The following VAV2 variants were observed in gnomAD, a reference collection of about 807,000 sequenced individuals.
VAV2 encodes vav guanine nucleotide exchange factor 2, also known as guanine nucleotide exchange factor VAV2.
A neutral mutation model predicts 132.5 loss-of-function variants in VAV2; 67 were observed. The observed-to-expected ratio is 0.51, with a 90% CI of 0.42 to 0.62. The LOEUF is 0.62. Ranked by LOEUF, VAV2 falls within the 20% of genes least tolerant of loss-of-function variation. VAV2 has a pLI of 0.00. For synonymous variants in VAV2, 492 were observed against 443.5 expected, an observed-to-expected ratio of 1.11 and a Z score of -1.37; for missense variants, 938 against 1,153.6, an observed-to-expected ratio of 0.81 and a Z score of 2.71.
At chr9:133,835,551 C>G (rs920407600) in intron 3 of VAV2, among the ~76,000 whole-genome samples, 5 of 152,190 alleles carry the variant, frequency 3.3e-5, no homozygotes, top group African/African-American at 1.2e-4. Flanking sequence ...CAAACAGCCC[C>G]CTGTAGCCCC....
chr9:133,812,093 G>A, intron 5 of VAV2, 21 bp downstream of exon 5: 1 of 1,610,874 alleles, frequency 6.2e-7, no homozygotes. Flanking sequence ...GGAAGGGAGG[G>A]AGGAGCGGGG....
At chr9:133,946,875 G>A (rs1280612195) in intron 1 of VAV2, among the ~76,000 whole-genome samples, 1 of 152,186 alleles carries the variant, frequency 6.6e-6, no homozygotes, top group Non-Finnish European at 1.5e-5. Flanking sequence ...TGGGTGACAG[G>A]CTGGCCAGGT....
rs1052067345 is a variant in VAV2 at position 133,769,647 on chromosome 9, G to A, written c.2348-144C>T. 7.1e-6 allele frequency: 6 copies of A among 848,244 alleles called. No homozygotes were observed. The highest frequency in any genetic ancestry group is 1.1e-5 in the Non-Finnish European group (6 of 548,802). 52.5% of individuals were successfully genotyped at this position (848,244 alleles called of 1,614,324 possible). Reference sequence around the variant, plus strand: ...CTACAGGGGGGCAAAGGAGGCAGGGGGCAGCACGGGTTGTCAAGCCCCACC... The same window carrying A: ...CTACAGGGGGGCAAAGGAGGCAGGGAGCAGCACGGGTTGTCAAGCCCCACC... On this transcript the variant is annotated intron_variant, in intron 27 of 29. Coordinates refer to ENST00000371850, the MANE Select transcript of VAV2 (RefSeq NM_001134398.2). This position sits in a 1 kb window ranked among gnomAD's most constrained non-coding sequence, Gnocchi z 8.1.
rs1161661391 is a variant in VAV2 at position 133,935,317 on chromosome 9, C to A, written c.321+3786G>T. ...TGAAAGGGGCATTCGCTCTTCATCT[C>A]TGTGGCCAGAGGGACCGATGCATGG... is the stretch of plus-strand genomic sequence containing the variant. On this transcript the variant is annotated intron_variant, in intron 2 of 29. Coordinates refer to ENST00000371850, the MANE Select transcript of VAV2 (RefSeq NM_001134398.2). The surrounding 1 kb of genome is among the most constrained non-coding windows in gnomAD (Gnocchi z 5.2). Among the ~76,000 whole-genome samples, 1 of 152,222 alleles carries A rather than the reference C, an allele frequency of 6.6e-6. No individual in the cohort carries two copies. The highest frequency in any genetic ancestry group is 1.5e-5 in the Non-Finnish European group (1 of 68,042).
chr9:133,900,805 T>TTATTTATTTATTTATGTATG (rs1554804226), intron 2 of VAV2, among the ~76,000 whole-genome samples: 1 of 125,558 alleles, frequency 8.0e-6, no homozygotes, highest in African/African-American at 2.8e-5. Context: ...ATTTATTTAT[T>TTATTTATTTATTTATGTATG]TATGTATTTT....
chr9:133,934,253 A>C (rs141345984), intron 2 of VAV2, among the ~76,000 whole-genome samples: 10 of 152,294 alleles, frequency 6.6e-5, no homozygotes, highest in African/African-American at 2.4e-4. Context: ...AATGAATGAC[A>C]ACAAACCCAG....
intron 21 of VAV2, 53 bp from the exon 22 acceptor site, chr9:133,778,942 G>A: frequency 6.3e-6 from 10 of 1,593,578 alleles, no homozygotes; most frequent in Non-Finnish European, 8.6e-6. Flanking sequence ...CTCGGTGACT[G>A]ACTTGGCCCC....
intron 2 of VAV2, among the ~76,000 whole-genome samples, chr9:133,897,399 C>T (rs3780752): frequency 0.26 from 39,326 of 152,072 alleles, 5,354 homozygotes; most frequent in African/African-American, 0.32. Context: ...GCTCTGCCCC[C>T]CTGTAACCCA....
At chr9:133,939,493 T>G (rs540462483) in intron 1 of VAV2, among the ~76,000 whole-genome samples, 1 of 151,924 alleles carries the variant, frequency 6.6e-6, no homozygotes, top group African/African-American at 2.4e-5. Context: ...AGCCTTCTCA[T>G]CACATAGCTG....
At chr9:133,937,075 C>T (rs535700771) in intron 2 of VAV2, among the ~76,000 whole-genome samples, 2 of 152,356 alleles carry the variant, frequency 1.3e-5, no homozygotes, top group African/African-American at 4.8e-5. Context: ...AAATTATATA[C>T]TGAATACGCT....
At chr9:133,819,448 C>CAAA (rs532943477) in intron 4 of VAV2, among the ~76,000 whole-genome samples, 1 of 136,404 alleles carries the variant, frequency 7.3e-6, no homozygotes, top group Non-Finnish European at 1.6e-5. Context: ...GGCTCCGTCT[C>CAAA]AAAAAAAAAA....
intron 3 of VAV2, among the ~76,000 whole-genome samples, chr9:133,841,940 G>A (rs1836741209): frequency 6.7e-6 from 1 of 148,724 alleles, no homozygotes; most frequent in Non-Finnish European, 1.5e-5. Flanking sequence ...ACCAATTCCT[G>A]GATCACAATT....
At chr9:133,873,979 C>G (rs1838162999) in intron 2 of VAV2, among the ~76,000 whole-genome samples, 1 of 152,152 alleles carries the variant, frequency 6.6e-6, no homozygotes, top group African/African-American at 2.4e-5. Context: ...CCAGATCTTT[C>G]CCAGGTTTAT....
Position 133,783,378 on chromosome 9 carries a change from C to T in VAV2, c.1723+125G>A, listed in dbSNP as rs1325882503. 4 of 868,416 alleles carry T rather than the reference C, an allele frequency of 4.6e-6. No homozygotes were observed. In the Admixed American group the frequency reaches 5.7e-5, roughly 12 times the overall value. 53.8% of individuals were successfully genotyped at this position (868,416 alleles called of 1,614,324 possible). ...GTGTCTGCTCTGGGGCACGTGAGCA[C>T]TGGTGCCCTCATCTGGTCGCTGCCC... On this transcript the variant is annotated intron_variant, in intron 19 of 29. Transcript: ENST00000371850.
intron 12 of VAV2, among the ~76,000 whole-genome samples, chr9:133,793,094 G>A (rs1161339281): frequency 6.6e-6 from 1 of 152,022 alleles, no homozygotes; most frequent in Non-Finnish European, 1.5e-5. Flanking sequence ...TGAGGGGTCA[G>A]GAAGTCCCTC....
Position 133,768,557 on chromosome 9 carries a change from T to C in VAV2, c.2474A>G (p.Tyr825Cys), listed in dbSNP as rs978997426. 1.9e-6 allele frequency: 3 copies of C among 1,613,968 alleles called. No homozygotes were observed. The highest frequency in any genetic ancestry group is 1.3e-5 in the African/African-American group (1 of 75,000). Residue 825 changes from tyrosine to cysteine, a missense_variant, in exon 29 of 30, where the codon TAT becomes TGT. By Grantham distance (194) the Tyr-to-Cys change is radical (BLOSUM62 -2). Transcript: ENST00000371850. This position sits in a 1 kb window ranked among gnomAD's most constrained non-coding sequence, Gnocchi z 5.3. Reference protein sequence around the residue: ...PRVIGTAVARYNFAARDMREL... With the variant: ...PRVIGTAVARCNFAARDMREL... ...CCTCATATCTCGGGCGGCAAAGTTA[T>C]ACCTGGCCACAGCTGTGCCGATGAC...
chr9:133,893,866 G>A lies in VAV2; in HGVS notation c.322-32434C>T, dbSNP rs114721419. Among the ~76,000 whole-genome samples, 692 of 152,232 alleles carry A rather than the reference G, an allele frequency of 4.5e-3. 7 individuals carry two copies. The highest frequency in any genetic ancestry group is 0.016 in the African/African-American group (663 of 41,512). ...CACACAGCAGCGGCGAGAGTCGGGC[G>A]CCCACGTGTACCACACACACAGTTG... On this transcript the variant is annotated intron_variant, in intron 2 of 29. Coordinates refer to ENST00000371850, the MANE Select transcript of VAV2 (RefSeq NM_001134398.2).
In VAV2 at chr9:133,883,609, C is replaced by A. The variant is rs1462479631; in HGVS notation, c.322-22177G>T. 6.6e-6 allele frequency among the ~76,000 whole-genome samples: 1 copy of A among 152,254 alleles called. No homozygotes were observed. Reference sequence around the variant, plus strand: ...CAGCCACGGCAGGCAGGCGGCCCAGCAGCAGGCAGGTTTCAGCTCGGCCGG... The same window carrying A: ...CAGCCACGGCAGGCAGGCGGCCCAGAAGCAGGCAGGTTTCAGCTCGGCCGG... On this transcript the variant is annotated intron_variant, in intron 2 of 29. Coordinates refer to ENST00000371850, the MANE Select transcript of VAV2 (RefSeq NM_001134398.2). The surrounding 1 kb of genome is among the most constrained non-coding windows in gnomAD (Gnocchi z 4.2).
intron 2 of VAV2, among the ~76,000 whole-genome samples, chr9:133,897,232 C>T (rs756271086): frequency 1.3e-5 from 2 of 152,176 alleles, no homozygotes; most frequent in Non-Finnish European, 2.9e-5. Context: ...GAAAGCCGCT[C>T]CTTTGAGCAG....
Sources: gnomAD v4.1 joint callset for allele counts (sites outside exome capture counted in the v4.1 genomes callset) on GRCh38, gnomAD v4.1.1 for gene constraint, Gnocchi (gnomAD v3.1) non-coding constraint, MANE v1.5 for transcripts, NCBI Gene and HGNC (gene_info 2026-07-23, HGNC 2026-07-21) for gene names.